SPTLC3: variants seen among roughly 807,000 people sequenced by gnomAD.
The protein encoded by SPTLC3 is serine palmitoyltransferase long chain base subunit 3.
In SPTLC3, 36 loss-of-function variants were observed where a neutral mutation model predicts 59.3. The observed-to-expected ratio is 0.61, with a 90% confidence interval of 0.47 to 0.80. SPTLC3 has a LOEUF of 0.80. Among genes scored for constraint, SPTLC3 ranks in the 30% least tolerant of loss-of-function variants. The pLI is 0.00. For missense variants in SPTLC3, 625 were observed against 685.1 expected, an observed-to-expected ratio of 0.91 and a Z score of 0.98; for synonymous variants, 257 against 240.8, an observed-to-expected ratio of 1.07 and a Z score of -0.62.
intron 1 of SPTLC3, among the ~76,000 whole-genome samples, chr20:13,030,624 T>C (rs1986392816): frequency 6.6e-6 from 1 of 152,154 alleles, no homozygotes; most frequent in South Asian, 2.1e-4. Context: ...TGGACCCCTG[T>C]TACATGTCAG....
intron 2 of SPTLC3, among the ~76,000 whole-genome samples, chr20:13,065,670 T>G (rs34899016): frequency 0.35 from 52,715 of 149,812 alleles, 9,944 homozygotes; most frequent in African/African-American, 0.52. Flanking sequence ...TTTACATTCA[T>G]ATCTTCTTTT....
intron 6 of SPTLC3, among the ~76,000 whole-genome samples, chr20:13,102,103 C>T (rs962129366): frequency 7.2e-5 from 11 of 152,154 alleles, no homozygotes; most frequent in Admixed American, 7.2e-4. Context: ...TGCCAGAAAA[C>T]TCTGAGCACT....
At chr20:13,082,953 T>C (rs1308207975) in intron 4 of SPTLC3, among the ~76,000 whole-genome samples, 5 of 152,196 alleles carry the variant, frequency 3.3e-5, no homozygotes, top group Admixed American at 3.3e-4. Flanking sequence ...TGATTATCTT[T>C]GGGAAGAGGG....
chr20:13,092,195 G>T (rs1009870764), intron 5 of SPTLC3, among the ~76,000 whole-genome samples: 12 of 152,190 alleles, frequency 7.9e-5, no homozygotes, highest in African/African-American at 2.7e-4. Flanking sequence ...AAAATACATA[G>T]GTTTGGAGGA....
At chr20:13,162,072 A>C (rs2038905363) in intron 11 of SPTLC3, among the ~76,000 whole-genome samples, 2 of 152,238 alleles carry the variant, frequency 1.3e-5, no homozygotes, top group Admixed American at 1.3e-4. Context: ...TGTTTCTTTT[A>C]AATGAAATGA....
In SPTLC3 at chr20:13,072,249, C is replaced by G; in HGVS notation, c.304-7C>G. 6.2e-7 allele frequency: 1 copy of G among 1,609,320 alleles called. No homozygotes were observed. Among genetic ancestry groups the G allele is most frequent in the East Asian group, 2.2e-5 (1 of 44,818 alleles). On this transcript the variant is annotated splice_region_variant and splice_polypyrimidine_tract_variant and intron_variant, in intron 2 of 11. Coordinates refer to ENST00000399002, the MANE Select transcript of SPTLC3 (RefSeq NM_018327.4). Reference sequence around the variant, plus strand: ...CCAGAGATAACCTTCTACCTCTGTTCTAACAGGATTTTGTGCCACTGTATC... The same window carrying G: ...CCAGAGATAACCTTCTACCTCTGTTGTAACAGGATTTTGTGCCACTGTATC...
intron 6 of SPTLC3, among the ~76,000 whole-genome samples, chr20:13,095,024 C>T (rs941486778): frequency 7.2e-5 from 11 of 152,324 alleles, no homozygotes; most frequent in African/African-American, 2.6e-4. Flanking sequence ...ATTGTCACAT[C>T]TAGACTCAAA....
At chr20:13,133,066 C>G (rs970828317) in intron 9 of SPTLC3, 3 of 152,334 alleles carry the variant, frequency 2.0e-5, no homozygotes, top group Non-Finnish European at 2.9e-5. Flanking sequence ...TTGAAAACAG[C>G]CTTCAAAGAC....
intron 6 of SPTLC3, among the ~76,000 whole-genome samples, chr20:13,103,913 C>G (rs1321308410): frequency 6.6e-6 from 1 of 152,216 alleles, no homozygotes; most frequent in East Asian, 1.9e-4. Context: ...GCCCTACCTT[C>G]TTGGAAGATT....
intron 8 of SPTLC3, among the ~76,000 whole-genome samples, chr20:13,125,136 C>A (rs2037958293): frequency 6.6e-6 from 1 of 152,200 alleles, no homozygotes. Flanking sequence ...TGCCACCCAA[C>A]TGAGCACCTG....
intron 3 of SPTLC3, chr20:13,074,131 G>T: frequency 1.4e-6 from 1 of 718,554 alleles, no homozygotes; most frequent in South Asian, 1.4e-5. Flanking sequence ...CCCGGCACTG[G>T]CTGAGGGGGT....
rs551937083 is a variant in SPTLC3 at position 13,111,304 on chromosome 20, G to A, written c.932+1087G>A. On this transcript the variant is annotated intron_variant, in intron 7 of 11. Transcript: ENST00000399002. ...CCAGAGAGTATGTACTGTTGATGAAGTCTTTGGGAGCACTCTAGACATAGT... is the reference window on the plus strand; with the variant it reads ...CCAGAGAGTATGTACTGTTGATGAAATCTTTGGGAGCACTCTAGACATAGT... Among the ~76,000 whole-genome samples, 3 of 152,192 alleles carry A rather than the reference G, an allele frequency of 2.0e-5. No homozygotes were observed. The South Asian group carries it at 6.2e-4, about 32-fold the overall frequency.
At chr20:13,131,659 C>T (rs1396909624) in intron 9 of SPTLC3, among the ~76,000 whole-genome samples, 2 of 152,188 alleles carry the variant, frequency 1.3e-5, no homozygotes, top group African/African-American at 2.4e-5. Flanking sequence ...GGTCACTTCT[C>T]ACACAGCCAA....
intron 4 of SPTLC3, among the ~76,000 whole-genome samples, chr20:13,085,881 G>A (rs1988989830): frequency 6.6e-6 from 1 of 152,098 alleles, no homozygotes; most frequent in African/African-American, 2.4e-5. Context: ...TCCAGTTTAT[G>A]TTTATTACTT....
intron 2 of SPTLC3, among the ~76,000 whole-genome samples, chr20:13,055,457 G>T (rs1205025815): frequency 2.0e-5 from 3 of 152,164 alleles, no homozygotes; most frequent in South Asian, 4.2e-4. Context: ...CAGTCGGCCT[G>T]CTCCCCAGGT....
intron 9 of SPTLC3, among the ~76,000 whole-genome samples, chr20:13,136,755 G>A (rs2038257102): frequency 6.8e-6 from 1 of 147,970 alleles, no homozygotes; most frequent in African/African-American, 2.5e-5. Flanking sequence ...TATATAGGGA[G>A]AGAGGAATTT....
At chr20:13,055,887 C>T (rs1288224244) in intron 2 of SPTLC3, among the ~76,000 whole-genome samples, 2 of 151,962 alleles carry the variant, frequency 1.3e-5, no homozygotes, top group Non-Finnish European at 1.5e-5. Context: ...TCAACGAATC[C>T]CACAAGGAGT....
intron 9 of SPTLC3, among the ~76,000 whole-genome samples, chr20:13,136,028 A>T (rs997509135): frequency 4.6e-5 from 7 of 152,242 alleles, no homozygotes; most frequent in Middle Eastern, 3.2e-3. Flanking sequence ...TCAATTACTA[A>T]TGTGTAATAT....
At chr20:13,130,667 G>A (rs1212703532) in intron 9 of SPTLC3, among the ~76,000 whole-genome samples, 2 of 152,210 alleles carry the variant, frequency 1.3e-5, no homozygotes, top group Non-Finnish European at 2.9e-5. Context: ...CATTCCATAT[G>A]CACCAAGACC....
Sources: allele counts gnomAD v4.1 joint callset (sites outside exome capture counted in the v4.1 genomes callset), GRCh38; gene constraint gnomAD v4.1.1; transcripts MANE v1.5; gene names NCBI Gene and HGNC (gene_info 2026-07-23, HGNC 2026-07-21).